The following LRRC14 variants were observed in gnomAD, a reference collection of about 807,000 sequenced individuals.
The protein encoded by LRRC14 is leucine-rich repeat-containing protein 14.
LRRC14 carries 16 observed loss-of-function variants against 25.3 expected under a neutral mutation model. That is an observed-to-expected ratio of 0.63 (90% CI 0.43 to 0.96). The LOEUF is 0.96. Among genes scored for constraint, LRRC14 ranks in the 40% least tolerant of loss-of-function variants. The probability of loss-of-function intolerance (pLI) is 0.00; values close to 1 mark genes in which losing one functional copy is unlikely to be tolerated. For missense variants in LRRC14, 594 were observed against 660.5 expected (o/e 0.90, Z 1.10); for synonymous variants, 359 against 295.1 (o/e 1.22, Z -2.22).
In LRRC14 at chr8:144,519,695, C is replaced by T; in HGVS notation, c.-31C>T. ...TCTCCTCCCTGCTGAAGTCCCTCTC[C>T]TGCAGGTGGCCGTCTGCCCGGCCCA... On this transcript the variant is annotated 5_prime_UTR_variant, in exon 2 of 4. Transcript: ENST00000292524. 1 of 1,569,222 alleles carries T rather than the reference C, an allele frequency of 6.4e-7. No individual in the cohort carries two copies. Among genetic ancestry groups the T allele is most frequent in the Non-Finnish European group, 8.6e-7 (1 of 1,156,172 alleles).
At position 144,522,934 on chromosome 8, in the gene LRRC14, C is replaced by T. The variant is rs762017510; in HGVS notation, c.*1456C>T. ...GCGGCTGCTGCCGGGACGCGTTGAC[C>T]AGGAGCCGGAAGGGCACGCGGGCAG... On this transcript the variant is annotated 3_prime_UTR_variant, in exon 4 of 4. Coordinates refer to ENST00000292524, the MANE Select transcript of LRRC14 (RefSeq NM_014665.4). 2 of 1,538,462 alleles carry T rather than the reference C, an allele frequency of 1.3e-6. No individual in the cohort carries two copies. The highest frequency in any genetic ancestry group is 1.4e-5 in the African/African-American group (1 of 70,790).
At chr8:144,519,310 T>C in intron 1 of LRRC14, 1 of 267,066 alleles carries the variant, frequency 3.7e-6, no homozygotes, top group Non-Finnish European at 7.4e-6. Context: ...GTGGGGAGAG[T>C]CCTGGGCTTT....
Position 144,520,914 on chromosome 8 carries a change from C to T in LRRC14, c.918C>T (p.Thr306=). The change falls in exon 4 of 4, where the codon ACC becomes ACT. Residue 306 remains threonine, a synonymous_variant. Coordinates refer to ENST00000292524, the MANE Select transcript of LRRC14 (RefSeq NM_014665.4). ...GTGACCCCTGTGTCCCCTGTAGCAC[C>T]CTGCAGAGCCCCCTGGAGAGCCTGG... is the stretch of plus-strand genomic sequence containing the variant. ...LSGRLDQLLS[T]LQSPLESLEL... is the part of the protein sequence containing the mutation. The T allele has an allele frequency of 6.2e-7, 1 of 1,609,054 alleles. No homozygotes were observed. The highest frequency in any genetic ancestry group is 8.5e-7 in the Non-Finnish European group (1 of 1,179,118).
Position 144,523,667 on chromosome 8 carries a change from C to T in LRRC14, c.*2189C>T, listed in dbSNP as rs746789138. The T allele has an allele frequency of 5.1e-5, 24 of 474,054 alleles. No individual in the cohort carries two copies. Among genetic ancestry groups the T allele is most frequent in the Admixed American group, 7.8e-5 (2 of 25,612 alleles). 29.4% of individuals were successfully genotyped at this position (474,054 alleles called of 1,614,324 possible). On this transcript the variant is annotated 3_prime_UTR_variant, in exon 4 of 4. Transcript: ENST00000292524. The stretch of plus-strand genomic sequence containing the variant: ...TCTCCGTCGGTCTCTGAGAAAGCAC[C>T]TGCTCCTTAAGTCTTCCTGCAACAA...
rs1325342877 is a variant in LRRC14, at chr8:144,524,655, G to A, written c.*3177G>A. On this transcript the variant is annotated 3_prime_UTR_variant, in exon 4 of 4. Coordinates refer to ENST00000292524, the MANE Select transcript of LRRC14 (RefSeq NM_014665.4). ...GTTGTGCAGGTAGAGCCGGCGCAGA[G>A]CGGCGAGTGGCGCCAGGGCTCCCGG... The A allele has an allele frequency of 6.7e-7, 1 of 1,496,850 alleles. No individual in the cohort carries two copies. The highest frequency in any genetic ancestry group is 2.5e-5 in the East Asian group (1 of 39,228). 92.7% of individuals were successfully genotyped at this position (1,496,850 alleles called of 1,614,324 possible). A position where few individuals can be genotyped will look rare whatever the true frequency, so the allele number is the denominator to read the frequency against.
rs1192862918 is a variant in LRRC14, at chr8:144,521,525, G to T, written c.*47G>T. The T allele has an allele frequency of 6.5e-7, 1 of 1,541,648 alleles. No homozygotes were observed. The highest frequency in any genetic ancestry group is 8.7e-7 in the Non-Finnish European group (1 of 1,145,376). On this transcript the variant is annotated 3_prime_UTR_variant, in exon 4 of 4. Transcript: ENST00000292524. Reference sequence around the variant, plus strand: ...ACAGGCCGCCCTGCAGTCTCTTTAGGTAGGCAGGGCCTTTGCTGGGACCCC... The same window carrying T: ...ACAGGCCGCCCTGCAGTCTCTTTAGTTAGGCAGGGCCTTTGCTGGGACCCC...
rs370096245 is a variant in LRRC14 at position 144,524,258 on chromosome 8, C to G, written c.*2780C>G. ...CCAGCAGCTCAATGCTGTTTTCTTG[C>G]AGGTGAAGCTCCTGCAGTCGCTGAA... On this transcript the variant is annotated 3_prime_UTR_variant, in exon 4 of 4. Transcript: ENST00000292524. 101 of 1,612,222 alleles carry G rather than the reference C, an allele frequency of 6.3e-5. No individual in the cohort carries two copies. Among genetic ancestry groups the G allele is most frequent in the Non-Finnish European group, 8.1e-5 (96 of 1,179,936 alleles).
Position 144,520,501 on chromosome 8 carries a change from G to C in LRRC14, c.593G>C (p.Arg198Pro). 6.3e-7 allele frequency: 1 copy of C among 1,598,748 alleles called. No homozygotes were observed. The highest frequency in any genetic ancestry group is 8.5e-7 in the Non-Finnish European group (1 of 1,178,710). Residue 198 changes from arginine to proline, a missense_variant, in exon 3 of 4, where the codon CGG (arginine) becomes CCG (proline). By Grantham distance (103) the Arg-to-Pro change is moderately radical. Transcript: ENST00000292524. ...SVGSPLRLCCRDLRAEDLPMR... is the reference protein window; with the variant it reads ...SVGSPLRLCCPDLRAEDLPMR... Reference sequence around the variant, plus strand: ...GGCAGCCCGCTGCGGCTCTGCTGCCGGGACCTGCGAGCTGAGGACCTGCCC... The same window carrying C: ...GGCAGCCCGCTGCGGCTCTGCTGCCCGGACCTGCGAGCTGAGGACCTGCCC...
rs1816050455 is a variant in LRRC14, at chr8:144,521,451, A to G, written c.1455A>G (p.Arg485=). The change falls in exon 4 of 4, where the codon CGA becomes CGG. Residue 485 remains arginine (R), a synonymous_variant. Transcript: ENST00000292524. ...HVLWTTDIYG[R]LAADYFSL ...TCTGGACCACGGACATCTACGGGCG[A>G]CTGGCTGCGGACTACTTCAGCCTAT... 6.2e-7 allele frequency: 1 copy of G among 1,604,310 alleles called. No individual in the cohort carries two copies. Among genetic ancestry groups the G allele is most frequent in the African/African-American group, 1.3e-5 (1 of 74,910 alleles).
In LRRC14 at chr8:144,522,810, TGGCCACGCCCAG is replaced by T; in HGVS notation, c.*1336_*1347del. ...ATGGCCGCCGCAATGGCCGTCTGTG[TGGCCACGCCCAG>T]GGCGCGGAAGGCCATGCTGCCCGCC... On this transcript the variant is annotated 3_prime_UTR_variant, in exon 4 of 4. Coordinates refer to ENST00000292524, the MANE Select transcript of LRRC14 (RefSeq NM_014665.4). The T allele has an allele frequency of 6.6e-7, 1 of 1,522,532 alleles. No homozygotes were observed. The highest frequency in any genetic ancestry group is 8.8e-7 in the Non-Finnish European group (1 of 1,139,638). 94.3% of individuals were successfully genotyped at this position (1,522,532 alleles called of 1,614,324 possible). A position where few individuals can be genotyped will look rare whatever the true frequency, so the allele number is the denominator to read the frequency against.
Position 144,521,591 on chromosome 8 carries a change from G to A in LRRC14, c.*113G>A. On this transcript the variant is annotated 3_prime_UTR_variant, in exon 4 of 4. Transcript: ENST00000292524. ...CAAAAGCACTGGTTACTGGTTTCCTGCTGGGTCTACCTTGCTTCTGGGCAC... is the reference window on the plus strand; with the variant it reads ...CAAAAGCACTGGTTACTGGTTTCCTACTGGGTCTACCTTGCTTCTGGGCAC... The A allele has an allele frequency of 4.4e-6, 5 of 1,135,574 alleles. No individual in the cohort carries two copies. The highest frequency in any genetic ancestry group is 3.0e-4 in the Middle Eastern group (1 of 3,302). The allele number at this position is 1,135,574 out of a possible 1,614,324, so 70.3% of individuals were successfully genotyped here.
Position 144,524,218 on chromosome 8 carries a change from C to T in LRRC14, c.*2740C>T, listed in dbSNP as rs539118913. 53 of 1,612,678 alleles carry T rather than the reference C, an allele frequency of 3.3e-5. No homozygotes were observed. In the East Asian group the frequency reaches 8.9e-4, roughly 27 times the overall value. On this transcript the variant is annotated 3_prime_UTR_variant, in exon 4 of 4. Transcript: ENST00000292524. ...AGCAGTGCTAGGGAGGACAGCCCCG[C>T]TAGAGCCTGGTCCTCCAGCAGCTCA...
rs1260424378 is a variant in LRRC14 at position 144,523,285 on chromosome 8, G to A, written c.*1807G>A. On this transcript the variant is annotated 3_prime_UTR_variant, in exon 4 of 4. Coordinates refer to ENST00000292524, the MANE Select transcript of LRRC14 (RefSeq NM_014665.4). Reference sequence around the variant, plus strand: ...TGTGGGATACGTCCAGGAGACTCTGGAGCGCCAGGCGCGGGGGCTCTGCAC... The same window carrying A: ...TGTGGGATACGTCCAGGAGACTCTGAAGCGCCAGGCGCGGGGGCTCTGCAC... The A allele has an allele frequency of 6.2e-7, 1 of 1,610,900 alleles. No homozygotes were observed. Among genetic ancestry groups the A allele is most frequent in the Non-Finnish European group, 8.5e-7 (1 of 1,179,234 alleles).
Position 144,520,660 on chromosome 8 carries a change from C to T in LRRC14, c.752C>T (p.Ala251Val). Residue 251 changes from alanine (A) to valine (V), a missense_variant, in exon 3 of 4, where the codon GCC becomes GTC. Transcript: ENST00000292524. ...CACGTGGCCCGCTTCCAGCACCTGG[C>T]CAGCCTGCGGCTCCACTATGTGCAT... is the stretch of plus-strand genomic sequence containing the variant. ...IPHVARFQHL[A>V]SLRLHYVHGD... The T allele has an allele frequency of 6.2e-7, 1 of 1,601,588 alleles. No homozygotes were observed.
At position 144,523,394 on chromosome 8, in the gene LRRC14, C is replaced by A; in HGVS notation, c.*1916C>A. The stretch of plus-strand genomic sequence containing the variant: ...ACCCAGCCAGTGCAGGGCGCAGTCA[C>A]AGCGCCATGGGTTCTCTGTGGGAGA... On this transcript the variant is annotated 3_prime_UTR_variant, in exon 4 of 4. Coordinates refer to ENST00000292524, the MANE Select transcript of LRRC14 (RefSeq NM_014665.4). 1 of 1,539,752 alleles carries A rather than the reference C, an allele frequency of 6.5e-7. No individual in the cohort carries two copies. The highest frequency in any genetic ancestry group is 1.3e-5 in the South Asian group (1 of 79,452).
Position 144,524,245 on chromosome 8 carries a change from T to G in LRRC14, c.*2767T>G. ...AGAGCCTGGTCCTCCAGCAGCTCAA[T>G]GCTGTTTTCTTGCAGGTGAAGCTCC... is the stretch of plus-strand genomic sequence containing the variant. On this transcript the variant is annotated 3_prime_UTR_variant, in exon 4 of 4. Transcript: ENST00000292524. 6.2e-7 allele frequency: 1 copy of G among 1,612,572 alleles called. No homozygotes were observed. The highest frequency in any genetic ancestry group is 8.5e-7 in the Non-Finnish European group (1 of 1,179,974).
Position 144,524,994 on chromosome 8 carries a change from C to T in LRRC14, c.*3516C>T, listed in dbSNP as rs1315012630. ...GGCCATCTCCCGAGGCCCGGTTCCTCACCGGCCCTTCCGCGGTTCAGCCGC... is the reference window on the plus strand; with the variant it reads ...GGCCATCTCCCGAGGCCCGGTTCCTTACCGGCCCTTCCGCGGTTCAGCCGC... On this transcript the variant is annotated 3_prime_UTR_variant, in exon 4 of 4. Coordinates refer to ENST00000292524, the MANE Select transcript of LRRC14 (RefSeq NM_014665.4). The T allele has an allele frequency of 2.1e-6, 3 of 1,431,034 alleles. No homozygotes were observed. The highest frequency in any genetic ancestry group is 5.3e-5 in the East Asian group (2 of 37,722). The allele number at this position is 1,431,034 out of a possible 1,614,324, so 88.6% of individuals were successfully genotyped here.
Position 144,524,566 on chromosome 8 carries a change from G to C in LRRC14, c.*3088G>C, listed in dbSNP as rs769765632. ...AAGCCGCGCAGCCGGTTGCTAGTGA[G>C]CGCCAGCTCCAGCAGGCGCGGCTGC... On this transcript the variant is annotated 3_prime_UTR_variant, in exon 4 of 4. Transcript: ENST00000292524. 21 of 1,564,824 alleles carry C rather than the reference G, an allele frequency of 1.3e-5. No homozygotes were observed. The highest frequency in any genetic ancestry group is 1.8e-5 in the Non-Finnish European group (21 of 1,164,156).
intron 1 of LRRC14, chr8:144,519,125 G>C (rs1195478065): frequency 1.9e-5 from 3 of 156,966 alleles, no homozygotes; most frequent in Non-Finnish European, 4.2e-5. Flanking sequence ...CTGGGTCTCG[G>C]TCTTTTCAAC....
Sources: gnomAD v4.1 joint callset for allele counts on GRCh38, gnomAD v4.1.1 for gene constraint, MANE v1.5 for transcripts, NCBI Gene and HGNC (gene_info 2026-07-23, HGNC 2026-07-21) for gene names.